C4orf51: variants seen among roughly 807,000 people sequenced by gnomAD.
C4orf51 encodes uncharacterized protein C4orf51.
Under a neutral mutation model 25.2 loss-of-function variants are expected in C4orf51, and 25 were observed. That is an observed-to-expected ratio of 0.99 (90% CI 0.72 to 1.39). The LOEUF (loss-of-function observed/expected upper bound fraction) is 1.39, where lower values mean the gene tolerates loss of function less well. C4orf51 is among the 40% of genes most tolerant of loss of function. C4orf51 has a pLI of 0.00. For missense variants in C4orf51, 252 were observed against 239.6 expected (o/e 1.05, Z -0.34); for synonymous variants, 100 against 84.5 (o/e 1.18, Z -1.01).
intron 1 of C4orf51, among the ~76,000 whole-genome samples, chr4:145,746,857 CT>C (rs1425768923): frequency 6.6e-6 from 1 of 151,724 alleles, no homozygotes; most frequent in Non-Finnish European, 1.5e-5. Flanking sequence ...CATGGAATAC[CT>C]TTCTTTTTTG....
At chr4:145,744,199 TG>T (rs1487158040) in intron 1 of C4orf51, among the ~76,000 whole-genome samples, 2 of 151,130 alleles carry the variant, frequency 1.3e-5, no homozygotes, top group Non-Finnish European at 1.5e-5. Context: ...GGGGGAATCT[TG>T]GGGGGAGAAA....
the C4orf51 span, among the ~76,000 whole-genome samples, chr4:145,778,842 C>T: frequency 2.0e-4 from 30 of 152,036 alleles, no homozygotes; most frequent in African/African-American, 6.8e-4. Flanking sequence ...ACTGATTTTA[C>T]CTTATGTCTT....
chr4:145,705,657 A>G (rs1730762632), intron 2 of C4orf51, among the ~76,000 whole-genome samples: 1 of 152,166 alleles, frequency 6.6e-6, no homozygotes, highest in Admixed American at 6.5e-5. Context: ...CAAGAGAGAC[A>G]GGGACAGGAT....
At chr4:145,758,073 G>A (rs993552049), downstream of C4orf51, 5 of 152,072 alleles carry the variant, frequency 3.3e-5, no homozygotes, top group East Asian at 1.9e-4. Flanking sequence ...TTCTAGGGTG[G>A]AGTCTGAAAA....
chr4:145,694,134 T>G (rs1729850369), intron 1 of C4orf51, among the ~76,000 whole-genome samples: 1 of 75,484 alleles, frequency 1.3e-5, no homozygotes. Flanking sequence ...GCTCCCCACA[T>G]CTCAGACGAT....
chr4:145,775,102 G>C (rs533416852), downstream of C4orf51, among the ~76,000 whole-genome samples: 14 of 152,228 alleles, frequency 9.2e-5, no homozygotes, highest in South Asian at 2.9e-3. Context: ...ACCTTCCCTA[G>C]TAGCAATGAA....
chr4:145,693,852 C>G (rs1232761183), intron 1 of C4orf51, among the ~76,000 whole-genome samples: 2 of 89,370 alleles, frequency 2.2e-5, no homozygotes, highest in Non-Finnish European at 4.6e-5. Flanking sequence ...TGACCCCCCC[C>G]ACCTCCCTCC....
In C4orf51 at chr4:145,761,714, T is replaced by TGCCCAGCCCA. The variant is rs767361181; in HGVS notation, n.167-9264_167-9255dup. ...ACCCCCCAGTGTCTGAGGCCTGGCC[T>TGCCCAGCCCA]GCCCAGCCCAGCCCAGCCCTGCCGC... On this transcript the variant is annotated intron_variant and non_coding_transcript_variant, in intron 1 of 1. Coordinates refer to the C4orf51 transcript ENST00000510096. The surrounding 1 kb of genome is among the most constrained non-coding windows in gnomAD (Gnocchi z 6.8). 4.8e-6 allele frequency: 3 copies of TGCCCAGCCCA among 619,064 alleles called. No individual in the cohort carries two copies. Among genetic ancestry groups the TGCCCAGCCCA allele is most frequent in the South Asian group, 1.9e-5 (1 of 54,044 alleles). The allele number at this position is 619,064 out of a possible 1,614,324, so 38.3% of individuals were successfully genotyped here.
At chr4:145,740,240 C>CAAAAAAAAAA (rs60310006) in intron 1 of C4orf51, among the ~76,000 whole-genome samples, 5 of 104,832 alleles carry the variant, frequency 4.8e-5, no homozygotes, top group African/African-American at 1.2e-4. Flanking sequence ...TCCCTTTCTG[C>CAAAAAAAAAA]AAAAAAAAAA....
chr4:145,686,043 C>G (rs1729133673), intron 1 of C4orf51, among the ~76,000 whole-genome samples: 1 of 151,968 alleles, frequency 6.6e-6, no homozygotes, highest in African/African-American at 2.4e-5. Flanking sequence ...AAGAAATAAA[C>G]AAAATGTGGT....
chr4:145,750,246 T>A (rs1733598607), intron 1 of C4orf51, among the ~76,000 whole-genome samples: 1 of 152,134 alleles, frequency 6.6e-6, no homozygotes, highest in South Asian at 2.1e-4. Context: ...ATTTTTTTTA[T>A]TGCTCATTAA....
rs1734855538 is a variant in C4orf51 at position 145,763,683 on chromosome 4, C to G, written n.167-7305C>G. ...AGGGCAGTGAGCACTGGTCCAACCA[C>G]AGAAAAACATGGTTCTGGTGTTTCT... On this transcript the variant is annotated intron_variant and non_coding_transcript_variant, in intron 1 of 1. Coordinates refer to the C4orf51 transcript ENST00000510096. This position sits in a 1 kb window ranked among gnomAD's most constrained non-coding sequence, Gnocchi z 4.6. Among the ~76,000 whole-genome samples the G allele has an allele frequency of 6.6e-6, 1 of 152,196 alleles. No individual in the cohort carries two copies. Among genetic ancestry groups the G allele is most frequent in the Non-Finnish European group, 1.5e-5 (1 of 68,038 alleles).
At chr4:145,688,011 C>T (rs1010753470) in intron 1 of C4orf51, among the ~76,000 whole-genome samples, 5 of 151,686 alleles carry the variant, frequency 3.3e-5, no homozygotes, top group Non-Finnish European at 5.9e-5. Flanking sequence ...ACATACCAGC[C>T]TGGGCAACAT....
At chr4:145,781,439 G>T in the C4orf51 span, among the ~76,000 whole-genome samples, 1 of 152,150 alleles carries the variant, frequency 6.6e-6, no homozygotes, top group Admixed American at 6.5e-5. Context: ...GGGAGGAGGG[G>T]AAATGATGGT....
chr4:145,692,823 C>A (rs1273787405), intron 1 of C4orf51, among the ~76,000 whole-genome samples: 2 of 152,064 alleles, frequency 1.3e-5, no homozygotes, highest in Admixed American at 1.3e-4. Context: ...ATAACCTGCA[C>A]TTCCCACCCA....
At chr4:145,772,985 A>G (rs1311992315), downstream of C4orf51, among the ~76,000 whole-genome samples, 2 of 152,114 alleles carry the variant, frequency 1.3e-5, no homozygotes, top group Admixed American at 6.6e-5. Flanking sequence ...TATGGTTTCT[A>G]TGGTTTCTAT....
intron 2 of C4orf51, among the ~76,000 whole-genome samples, chr4:145,708,519 T>C (rs1310071928): frequency 6.6e-6 from 1 of 152,194 alleles, no homozygotes; most frequent in Non-Finnish European, 1.5e-5. Context: ...GCATCCCCTA[T>C]TCATCCTTAG....
downstream of C4orf51, among the ~76,000 whole-genome samples, chr4:145,737,406 C>T (rs1732863914): frequency 1.3e-5 from 2 of 152,200 alleles, no homozygotes; most frequent in African/African-American, 4.8e-5. Flanking sequence ...ATCTTCTTTT[C>T]TCCCCAACCT....
At chr4:145,717,758 G>C (rs1478053166) in intron 2 of C4orf51, among the ~76,000 whole-genome samples, 1 of 152,176 alleles carries the variant, frequency 6.6e-6, no homozygotes, top group Non-Finnish European at 1.5e-5. Flanking sequence ...CTACATTAAA[G>C]TGCTTTTCCT....
Sources: allele counts gnomAD v4.1 joint callset (sites outside exome capture counted in the v4.1 genomes callset), GRCh38; gene constraint gnomAD v4.1.1; non-coding constraint Gnocchi (gnomAD v3.1); transcripts MANE v1.5; gene names NCBI Gene and HGNC (gene_info 2026-07-23, HGNC 2026-07-21).